SEMA3E: variants seen among roughly 807,000 people sequenced by gnomAD.
SEMA3E encodes semaphorin 3E.
A neutral mutation model predicts 93.6 loss-of-function variants in SEMA3E; 49 were observed. That is an observed-to-expected ratio of 0.52 (90% CI 0.42 to 0.66). SEMA3E has a LOEUF of 0.66. SEMA3E is among the 30% of genes least tolerant of loss of function. The pLI, the probability that SEMA3E is intolerant of heterozygous loss-of-function variation, is 0.00. For missense variants in SEMA3E, 906 were observed against 964.8 expected (o/e 0.94, Z 0.81); for synonymous variants, 363 against 330.7 (o/e 1.10, Z -1.06).
chr7:83,634,648 C>T (rs1011109766), intron 1 of SEMA3E, among the ~76,000 whole-genome samples: 28 of 151,724 alleles, frequency 1.8e-4, no homozygotes, highest in African/African-American at 5.8e-4. Flanking sequence ...TTATTACAAG[C>T]GAATTTTGCT....
At chr7:83,627,301 G>T (rs1050097640) in intron 1 of SEMA3E, among the ~76,000 whole-genome samples, 1 of 151,998 alleles carries the variant, frequency 6.6e-6, no homozygotes, top group Non-Finnish European at 1.5e-5. Context: ...TTGACAGTGG[G>T]GTGTTAAAGT....
intron 1 of SEMA3E, among the ~76,000 whole-genome samples, chr7:83,596,549 T>G (rs1433708170): frequency 1.3e-5 from 2 of 152,094 alleles, no homozygotes; most frequent in African/African-American, 4.8e-5. Context: ...GCTAGTTCTG[T>G]GTGTACAGAC....
At chr7:83,465,332 A>T (rs1048149992) in intron 4 of SEMA3E, among the ~76,000 whole-genome samples, 1 of 152,156 alleles carries the variant, frequency 6.6e-6, no homozygotes, top group African/African-American at 2.4e-5. Context: ...ATAAACAGCC[A>T]TGTTGCTCAC....
At chr7:83,464,299 A>G (rs1426787234) in intron 4 of SEMA3E, among the ~76,000 whole-genome samples, 6 of 151,686 alleles carry the variant, frequency 4.0e-5, no homozygotes, top group Non-Finnish European at 7.4e-5. Context: ...GGTACAGCCC[A>G]TTTAAGCTCC....
At chr7:83,475,334 T>A (rs1484091208) in intron 2 of SEMA3E, among the ~76,000 whole-genome samples, 1 of 152,180 alleles carries the variant, frequency 6.6e-6, no homozygotes. Context: ...ATAGCGTTTT[T>A]ATACATCTTT....
intron 2 of SEMA3E, among the ~76,000 whole-genome samples, chr7:83,479,454 A>G (rs886723063): frequency 3.9e-5 from 6 of 152,178 alleles, no homozygotes; most frequent in African/African-American, 1.2e-4. Flanking sequence ...ATATCCCCAT[A>G]TATGTTTCTA....
At chr7:83,456,860 A>C (rs2723025) in intron 4 of SEMA3E, among the ~76,000 whole-genome samples, 1 of 151,784 alleles carries the variant, frequency 6.6e-6, no homozygotes. Flanking sequence ...GTGATCTGTC[A>C]GCCTTGGCCT....
intron 1 of SEMA3E, among the ~76,000 whole-genome samples, chr7:83,544,224 T>C (rs1053681714): frequency 1.3e-5 from 2 of 152,114 alleles, no homozygotes; most frequent in African/African-American, 4.8e-5. Context: ...ATTTCTTTTA[T>C]TGTGTTCTTC....
intron 2 of SEMA3E, among the ~76,000 whole-genome samples, chr7:83,485,555 C>A (rs555007302): frequency 6.6e-6 from 1 of 152,114 alleles, no homozygotes; most frequent in African/African-American, 2.4e-5. Flanking sequence ...GAAAACAAAA[C>A]AAAAGGCAAT....
At chr7:83,603,772 G>C in intron 1 of SEMA3E, among the ~76,000 whole-genome samples, 1 of 152,086 alleles carries the variant, frequency 6.6e-6, no homozygotes, top group East Asian at 1.9e-4. Context: ...GTAGAGCTTT[G>C]CATTCTTCTA....
chr7:83,384,011 A>G (rs1026562994), intron 16 of SEMA3E, among the ~76,000 whole-genome samples: 3 of 152,044 alleles, frequency 2.0e-5, no homozygotes, highest in Non-Finnish European at 1.5e-5. Context: ...ATTTTTGGAC[A>G]TGTGTTTATT....
At position 83,648,814 on chromosome 7, in the gene SEMA3E, A is replaced by G. The variant is rs1353817776; in HGVS notation, c.-272T>C. 1 of 432,022 alleles carries G rather than the reference A, an allele frequency of 2.3e-6. No homozygotes were observed. Among genetic ancestry groups the G allele is most frequent in the East Asian group, 4.1e-5 (1 of 24,458 alleles). 26.8% of individuals were successfully genotyped at this position (432,022 alleles called of 1,614,324 possible). A position where few individuals can be genotyped will look rare whatever the true frequency, so the allele number is the denominator to read the frequency against. On this transcript the variant is annotated 5_prime_UTR_variant, in exon 1 of 17. Transcript: ENST00000643230. Reference sequence around the variant, plus strand: ...CCATGTCCTGTCTAGAGCGCTCTTCAGCAACTACGCCGGTAGATTCAGGAA... The same window carrying G: ...CCATGTCCTGTCTAGAGCGCTCTTCGGCAACTACGCCGGTAGATTCAGGAA...
intron 1 of SEMA3E, among the ~76,000 whole-genome samples, chr7:83,498,186 G>C (rs558141081): frequency 5.3e-5 from 8 of 152,038 alleles, no homozygotes; most frequent in African/African-American, 7.3e-5. Context: ...TATGTTATCA[G>C]TAAGGTTTCT....
rs113214284 is a variant in SEMA3E, at chr7:83,484,223, G to A, written c.276+5891C>T. Among the ~76,000 whole-genome samples the A allele has an allele frequency of 3.2e-3, 488 of 152,004 alleles. 4 individuals are homozygous for A. Among genetic ancestry groups the A allele is most frequent in the African/African-American group, 9.9e-3 (412 of 41,442 alleles). ...GAAAATATTTTCACTGACCACTCTC[G>A]CCTTCTCACTAATTTTTTCCTCTCT... On this transcript the variant is annotated intron_variant, in intron 2 of 16. Coordinates refer to ENST00000643230, the MANE Select transcript of SEMA3E (RefSeq NM_012431.3).
chr7:83,602,085 C>A, intron 1 of SEMA3E, among the ~76,000 whole-genome samples: 1 of 152,106 alleles, frequency 6.6e-6, no homozygotes, highest in East Asian at 1.9e-4. Flanking sequence ...CATTACGAGT[C>A]ACTCTAAGTA....
chr7:83,648,335 A>G (rs553849732), intron 1 of SEMA3E, 93 bp downstream of exon 1: 6 of 890,136 alleles, frequency 6.7e-6, no homozygotes, highest in South Asian at 1.5e-5. Context: ...TTTGAAGACC[A>G]TAAGCCTATG....
At chr7:83,421,352 A>G (rs1477907389) in intron 4 of SEMA3E, among the ~76,000 whole-genome samples, 2 of 141,714 alleles carry the variant, frequency 1.4e-5, no homozygotes, top group African/African-American at 5.0e-5. Context: ...TATTTTCATG[A>G]AAAACTACTT....
intron 4 of SEMA3E, among the ~76,000 whole-genome samples, chr7:83,420,968 C>T (rs1398059917): frequency 7.0e-6 from 1 of 142,170 alleles, no homozygotes; most frequent in Non-Finnish European, 1.6e-5. Flanking sequence ...CAAAAACTGA[C>T]AAGTGGGACC....
Position 83,469,542 on chromosome 7 carries a change from T to C in SEMA3E, c.277-240A>G, listed in dbSNP as rs3823897. Among the ~76,000 whole-genome samples the C allele has an allele frequency of 0.68, 103,401 of 151,762 alleles. 36,867 individuals carry two copies. The highest frequency in any genetic ancestry group is 0.79 in the Non-Finnish European group (53,527 of 67,936). The stretch of plus-strand genomic sequence containing the variant: ...TTCTTGAATATTTTTGAAAGCTCAC[T>C]TCAAGTCTTGGCCCTTCAGAGGACA... On this transcript the variant is annotated intron_variant, in intron 2 of 16. Transcript: ENST00000643230.
Sources: allele counts gnomAD v4.1 joint callset (sites outside exome capture counted in the v4.1 genomes callset), GRCh38; gene constraint gnomAD v4.1.1; transcripts MANE v1.5; gene names NCBI Gene and HGNC (gene_info 2026-07-23, HGNC 2026-07-21).